The following GRM5 variants were observed in gnomAD, a reference collection of about 807,000 sequenced individuals.
GRM5 encodes the protein glutamate metabotropic receptor 5.
GRM5 carries 19 observed loss-of-function variants against 83.1 expected under a neutral mutation model. That is an observed-to-expected ratio of 0.23 (90% CI 0.16 to 0.34). GRM5 has a LOEUF of 0.34. Ranked by LOEUF, GRM5 falls within the 10% of genes least tolerant of loss-of-function variation. The pLI is 1.00. For missense variants in GRM5, 1,160 were observed against 1,588.3 expected, an observed-to-expected ratio of 0.73 and a Z score of 4.58; for synonymous variants, 675 against 633.6, an observed-to-expected ratio of 1.07 and a Z score of -0.98.
chr11:88,860,003 T>C (rs1161191608), intron 2 of GRM5, among the ~76,000 whole-genome samples: 1 of 152,140 alleles, frequency 6.6e-6, no homozygotes, highest in African/African-American at 2.4e-5. Context: ...AAAATAGACA[T>C]ACCATATTAT....
intron 3 of GRM5, among the ~76,000 whole-genome samples, chr11:88,751,244 T>C (rs185093908): frequency 2.0e-5 from 3 of 151,746 alleles, no homozygotes; most frequent in Admixed American, 1.3e-4. Flanking sequence ...AAGAATCAAA[T>C]AAATACAATC....
intron 2 of GRM5, among the ~76,000 whole-genome samples, chr11:89,038,960 C>T (rs1470176756): frequency 2.6e-5 from 4 of 152,016 alleles, no homozygotes; most frequent in Admixed American, 2.0e-4. Flanking sequence ...AACAAACTAA[C>T]CAAATTTAAA....
chr11:88,941,290 A>G (rs1283413394), intron 2 of GRM5, among the ~76,000 whole-genome samples: 1 of 151,658 alleles, frequency 6.6e-6, no homozygotes, highest in African/African-American at 2.4e-5. Context: ...ACAAAACTGG[A>G]ACACTCTGAA....
intron 4 of GRM5, among the ~76,000 whole-genome samples, chr11:88,618,293 T>C (rs1938538099): frequency 6.6e-6 from 1 of 152,206 alleles, no homozygotes; most frequent in South Asian, 2.1e-4. Context: ...ATATGGCAAC[T>C]GTATACAATT....
At chr11:88,845,723 G>GCCCCCCCCCC (rs1752492546) in intron 3 of GRM5, among the ~76,000 whole-genome samples, 1 of 91,282 alleles carries the variant, frequency 1.1e-5, no homozygotes, top group African/African-American at 4.6e-5. Flanking sequence ...ATGAACCACC[G>GCCCCCCCCCC]CGCCCCCCCC....
chr11:88,998,803 T>C (rs187676344), intron 2 of GRM5, among the ~76,000 whole-genome samples: 90 of 152,262 alleles, frequency 5.9e-4, no homozygotes, highest in Admixed American at 2.2e-3. Context: ...ATATGGACAT[T>C]GAAAATAAAA....
intron 2 of GRM5, among the ~76,000 whole-genome samples, chr11:88,964,343 T>G (rs1272393278): frequency 6.7e-6 from 1 of 149,484 alleles, no homozygotes; most frequent in African/African-American, 2.5e-5. Flanking sequence ...TTTCTGAGAG[T>G]AACAGTAGAA....
intron 3 of GRM5, among the ~76,000 whole-genome samples, chr11:88,665,154 A>T: frequency 6.0e-5 from 1 of 16,620 alleles, no homozygotes; most frequent in African/African-American, 1.3e-4. Flanking sequence ...GAGATAATTT[A>T]ATTTATTTAC....
chr11:88,735,169 A>T (rs1609780), intron 3 of GRM5, among the ~76,000 whole-genome samples: 18,713 of 151,970 alleles, frequency 0.12, 1,525 homozygotes, highest in Middle Eastern at 0.19. Flanking sequence ...TTATTTTTTT[A>T]AATGATGATA....
chr11:88,726,475 A>T (rs1941684214), intron 3 of GRM5, among the ~76,000 whole-genome samples: 1 of 152,222 alleles, frequency 6.6e-6, no homozygotes, highest in Admixed American at 6.5e-5. Context: ...TTAGGATATT[A>T]TCCAGGAGAA....
At chr11:88,665,034 A>AC (rs1394674207) in intron 3 of GRM5, among the ~76,000 whole-genome samples, 1 of 152,100 alleles carries the variant, frequency 6.6e-6, no homozygotes, top group African/African-American at 2.4e-5. Context: ...CAATATTTAA[A>AC]CCCACTCTAT....
intron 2 of GRM5, among the ~76,000 whole-genome samples, chr11:88,937,538 C>A (rs1307917858): frequency 6.6e-6 from 1 of 151,608 alleles, no homozygotes; most frequent in Non-Finnish European, 1.5e-5. Context: ...AGTAAAGTTT[C>A]TCTTACCCAG....
rs1032047027 is a variant in GRM5, at chr11:88,507,150, G to C, written c.*1442C>G. 6.6e-6 allele frequency: 1 copy of C among 152,218 alleles called. No homozygotes were observed. The highest frequency in any genetic ancestry group is 2.4e-5 in the African/African-American group (1 of 41,514). 9.4% of individuals were successfully genotyped at this position (152,218 alleles called of 1,614,324 possible). A position where few individuals can be genotyped will look rare whatever the true frequency, so the allele number is the denominator to read the frequency against. The stretch of plus-strand genomic sequence containing the variant: ...AGACTATCAAAGCACACTTGTTTCT[G>C]TTATACTCTAAATCTCTTTTCTGTA... On this transcript the variant is annotated 3_prime_UTR_variant, in exon 10 of 10. Transcript: ENST00000305447.
At chr11:88,603,536 A>G (rs755530) in intron 5 of GRM5, among the ~76,000 whole-genome samples, 97,947 of 152,070 alleles carry the variant, frequency 0.64, 37,477 homozygotes, top group Non-Finnish European at 0.85. Flanking sequence ...TCCTTCATGG[A>G]TATACGTAAG....
chr11:89,026,802 G>A (rs1258147612), intron 2 of GRM5, among the ~76,000 whole-genome samples: 1 of 152,126 alleles, frequency 6.6e-6, no homozygotes, highest in Non-Finnish European at 1.5e-5. Flanking sequence ...ACTCCATAGG[G>A]CAACAGGGAA....
chr11:88,664,931 A>C lies in GRM5; in HGVS notation c.912-11528T>G, dbSNP rs571170591. 3.3e-5 allele frequency among the ~76,000 whole-genome samples: 5 copies of C among 152,318 alleles called. No individual in the cohort carries two copies. In the South Asian group the frequency reaches 8.3e-4, roughly 25 times the overall value. On this transcript the variant is annotated intron_variant, in intron 3 of 9. Coordinates refer to ENST00000305447, the MANE Select transcript of GRM5 (RefSeq NM_001143831.3). ...CCCCCACAGATACTAAGGAAAGACT[A>C]TATGTATGAAACTGAAGTACATAAT...
At chr11:88,989,123 G>C (rs910600519) in intron 2 of GRM5, among the ~76,000 whole-genome samples, 14 of 150,772 alleles carry the variant, frequency 9.3e-5, no homozygotes, top group South Asian at 2.1e-4. Flanking sequence ...CCCATCTCAC[G>C]TGCAGAGACA....
chr11:89,032,592 A>T (rs918950702), intron 2 of GRM5, among the ~76,000 whole-genome samples: 1 of 152,038 alleles, frequency 6.6e-6, no homozygotes, highest in Non-Finnish European at 1.5e-5. Flanking sequence ...AACATTTTTG[A>T]ACCCTTATTG....
At chr11:88,572,669 T>A (rs2135180557) in intron 7 of GRM5, among the ~76,000 whole-genome samples, 1 of 152,284 alleles carries the variant, frequency 6.6e-6, no homozygotes, top group Non-Finnish European at 1.5e-5. Flanking sequence ...CAGTGATAAC[T>A]ACCCTTACTA....
Sources: gnomAD v4.1 joint callset for allele counts (sites outside exome capture counted in the v4.1 genomes callset) on GRCh38, gnomAD v4.1.1 for gene constraint, MANE v1.5 for transcripts, NCBI Gene and HGNC (gene_info 2026-07-23, HGNC 2026-07-21) for gene names.